The following SFMBT2 variants were observed in gnomAD, a reference collection of about 807,000 sequenced individuals.
The protein encoded by SFMBT2 is Scm like with four mbt domains 2.
A neutral mutation model predicts 110.1 loss-of-function variants in SFMBT2; 38 were observed. The observed-to-expected ratio is 0.35, with a 90% confidence interval of 0.27 to 0.45. SFMBT2 has a LOEUF of 0.45. Among genes scored for constraint, SFMBT2 ranks in the 20% least tolerant of loss-of-function variants. The probability of loss-of-function intolerance (pLI) is 1.00; values close to 1 mark genes in which losing one functional copy is unlikely to be tolerated. For synonymous variants in SFMBT2, 425 were observed against 425.4 expected (o/e 1.00, Z 0.01); for missense variants, 1,011 against 1,094.9 (o/e 0.92, Z 1.08).
At chr10:7,248,773 C>T in intron 7 of SFMBT2, 124 bp from the exon 8 acceptor site, 1 of 747,660 alleles carries the variant, frequency 1.3e-6, no homozygotes, top group South Asian at 1.8e-5. Context: ...ATTAACCTTC[C>T]CTGTTTCGAA....
intron 7 of SFMBT2, among the ~76,000 whole-genome samples, chr10:7,273,741 T>G (rs894954603): frequency 6.6e-6 from 1 of 152,236 alleles, no homozygotes; most frequent in Non-Finnish European, 1.5e-5. Flanking sequence ...CTTGCAATAC[T>G]CTGCTCAGAA....
chr10:7,174,727 C>G (rs1180222822), intron 17 of SFMBT2, among the ~76,000 whole-genome samples: 1 of 152,216 alleles, frequency 6.6e-6, no homozygotes, highest in Non-Finnish European at 1.5e-5. Context: ...CTCGGTTAGG[C>G]CTTTCTTACT....
chr10:7,169,371 A>G (rs1409334158), intron 20 of SFMBT2, among the ~76,000 whole-genome samples: 1 of 152,224 alleles, frequency 6.6e-6, no homozygotes. Context: ...CACAGGGGAA[A>G]GAACTACTCT....
At chr10:7,198,046 T>C (rs1422184313) in intron 14 of SFMBT2, 2 of 985,352 alleles carry the variant, frequency 2.0e-6, no homozygotes, top group East Asian at 1.1e-4. Context: ...TTTTTCCAGA[T>C]TGTATGAATC....
intron 1 of SFMBT2, among the ~76,000 whole-genome samples, chr10:7,394,146 C>T (rs780437442): frequency 1.3e-5 from 2 of 152,002 alleles, no homozygotes; most frequent in African/African-American, 4.8e-5. Flanking sequence ...ATTACAGGCG[C>T]GCCACCATGT....
At chr10:7,377,714 G>C (rs973752256) in intron 2 of SFMBT2, among the ~76,000 whole-genome samples, 3 of 152,200 alleles carry the variant, frequency 2.0e-5, no homozygotes, top group Non-Finnish European at 2.9e-5. Flanking sequence ...GGTGAAGCTC[G>C]GGCAGTAATG....
chr10:7,272,202 C>T (rs560912238), intron 7 of SFMBT2, among the ~76,000 whole-genome samples: 1 of 152,306 alleles, frequency 6.6e-6, no homozygotes, highest in South Asian at 2.1e-4. Context: ...CAGGTTAAAA[C>T]AGCAGGCTGA....
intron 2 of SFMBT2, among the ~76,000 whole-genome samples, chr10:7,376,334 G>A (rs1024984804): frequency 4.6e-5 from 7 of 152,050 alleles, no homozygotes; most frequent in African/African-American, 1.7e-4. Context: ...GTGTTCCTGG[G>A]AGAAAGAGTA....
intron 1 of SFMBT2, among the ~76,000 whole-genome samples, chr10:7,396,961 G>A (rs1845943269): frequency 6.6e-6 from 1 of 151,164 alleles, no homozygotes; most frequent in African/African-American, 2.4e-5. Context: ...TGTAAATGAC[G>A]AGTTAATGGG....
rs959207548 is a variant in SFMBT2 at position 7,228,037 on chromosome 10, A to G, written c.1121-100T>C. The G allele has an allele frequency of 4.8e-5, 38 of 798,964 alleles. No homozygotes were observed. In the African/African-American group the frequency reaches 5.9e-4, roughly 12 times the overall value. 49.5% of individuals were successfully genotyped at this position (798,964 alleles called of 1,614,324 possible). A position where few individuals can be genotyped will look rare whatever the true frequency, so the allele number is the denominator to read the frequency against. Reference sequence around the variant, plus strand: ...GTGAAAGTTTAGGCTCCCAAAAGATAATGTCCTCTGATGCCTAACAGCACT... The same window carrying G: ...GTGAAAGTTTAGGCTCCCAAAAGATGATGTCCTCTGATGCCTAACAGCACT... On this transcript the variant is annotated intron_variant, in intron 9 of 20. Transcript: ENST00000397167.
intron 4 of SFMBT2, among the ~76,000 whole-genome samples, chr10:7,359,648 G>A (rs534196647): frequency 6.6e-6 from 1 of 152,290 alleles, no homozygotes; most frequent in Non-Finnish European, 1.5e-5. Context: ...AGCATCTGAT[G>A]CAATTTACAT....
intron 1 of SFMBT2, among the ~76,000 whole-genome samples, chr10:7,406,538 A>G (rs1167128758): frequency 6.6e-6 from 1 of 151,862 alleles, no homozygotes; most frequent in East Asian, 1.9e-4. Context: ...TAGTACTCCC[A>G]GGAAAGCTTT....
At chr10:7,329,567 G>A (rs1588453684) in intron 4 of SFMBT2, 3 of 954,878 alleles carry the variant, frequency 3.1e-6, no homozygotes, top group Non-Finnish European at 3.7e-6. Context: ...CTAGCGCCCA[G>A]GGGCCAAAAC....
chr10:7,171,945 A>T lies in SFMBT2; in HGVS notation c.2365T>A (p.Ser789Thr). ...GGGCACTTCTCCCCTTCCTCTGCTG[A>T]GGAGGCAGCCGGCGCCCCGCGGCCC... ...RRGRGAPAAS[S>T]AEEGEKCPPT... The change falls in exon 19 of 21, where the codon TCA becomes ACA. Residue 789 changes from serine (S) to threonine (T), a missense_variant. This residue lies in a region of SFMBT2 where 979 missense variants were observed against 1,016.1 expected (regional missense o/e 0.96). Coordinates refer to ENST00000397167, the MANE Select transcript of SFMBT2 (RefSeq NM_001387889.1). This position sits in a 1 kb window ranked among gnomAD's most constrained non-coding sequence, Gnocchi z 4.9. 1 of 1,466,632 alleles carries T rather than the reference A, an allele frequency of 6.8e-7. No individual in the cohort carries two copies. The highest frequency in any genetic ancestry group is 1.4e-5 in the South Asian group (1 of 73,286). The allele number at this position is 1,466,632 out of a possible 1,614,324, so 90.9% of individuals were successfully genotyped here. A position where few individuals can be genotyped will look rare whatever the true frequency, so the allele number is the denominator to read the frequency against.
chr10:7,284,001 G>A lies in SFMBT2; in HGVS notation c.675C>T (p.Asp225=). Residue 225 remains aspartate (D), a synonymous_variant, in exon 6 of 21, where the codon GAC becomes GAT. Coordinates refer to ENST00000397167, the MANE Select transcript of SFMBT2 (RefSeq NM_001387889.1). The part of the protein sequence containing the change: ...RLRLRYVGLE[D]TESYDQWLFY... Reference sequence around the variant, plus strand: ...ACAACCACTGGTCATAGGATTCAGTGTCCTCCAATCCCACATAGCGAAGGC... The same window carrying A: ...ACAACCACTGGTCATAGGATTCAGTATCCTCCAATCCCACATAGCGAAGGC... The A allele has an allele frequency of 1.2e-6, 2 of 1,612,690 alleles. No homozygotes were observed. Among genetic ancestry groups the A allele is most frequent in the South Asian group, 2.2e-5 (2 of 91,054 alleles).
rs565567554 is a variant in SFMBT2 at position 7,285,683 on chromosome 10, C to G, written c.525+183G>C. 19 of 578,930 alleles carry G rather than the reference C, an allele frequency of 3.3e-5. No individual in the cohort carries two copies. In the East Asian group the frequency reaches 5.4e-4, roughly 17 times the overall value. 35.9% of individuals were successfully genotyped at this position (578,930 alleles called of 1,614,324 possible). A position where few individuals can be genotyped will look rare whatever the true frequency, so the allele number is the denominator to read the frequency against. Reference sequence around the variant, plus strand: ...GATTGCATCACAGGGGAAGTTTCATCAATGCCATTCAAATCAGTCACCTAA... The same window carrying G: ...GATTGCATCACAGGGGAAGTTTCATGAATGCCATTCAAATCAGTCACCTAA... On this transcript the variant is annotated intron_variant, in intron 5 of 20. Transcript: ENST00000397167.
At chr10:7,210,728 G>GT (rs1839318775) in intron 11 of SFMBT2, among the ~76,000 whole-genome samples, 1 of 152,236 alleles carries the variant, frequency 6.6e-6, no homozygotes, top group African/African-American at 2.4e-5. Flanking sequence ...CCCTCTGGGC[G>GT]TGTTCCCTTT....
chr10:7,212,876 T>C (rs1839396494), intron 11 of SFMBT2, among the ~76,000 whole-genome samples: 1 of 152,140 alleles, frequency 6.6e-6, no homozygotes, highest in African/African-American at 2.4e-5. Context: ...GTGGCACACA[T>C]ACACCATGGA....
intron 4 of SFMBT2, among the ~76,000 whole-genome samples, chr10:7,289,444 G>A (rs1381259661): frequency 2.0e-5 from 3 of 152,158 alleles, no homozygotes; most frequent in Admixed American, 1.3e-4. Flanking sequence ...CATAGCAAGG[G>A]AGCTCTAGGG....
Sources: allele counts gnomAD v4.1 joint callset (sites outside exome capture counted in the v4.1 genomes callset), GRCh38; gene constraint gnomAD v4.1.1; regional missense constraint gnomAD v4.1.1; non-coding constraint Gnocchi (gnomAD v3.1); transcripts MANE v1.5; gene names NCBI Gene and HGNC (gene_info 2026-07-23, HGNC 2026-07-21).